The following PCDHA2 variants were observed in gnomAD, a reference collection of about 807,000 sequenced individuals.
PCDHA2 encodes the protein protocadherin alpha-2.
In PCDHA2, 58 loss-of-function variants were observed where a neutral mutation model predicts 66.0. The observed-to-expected ratio is 0.88, with a 90% CI of 0.71 to 1.09. The LOEUF (loss-of-function observed/expected upper bound fraction) is 1.09. Among genes scored for constraint, PCDHA2 ranks in the 50% least tolerant of loss-of-function variants. The probability of loss-of-function intolerance (pLI) is 0.00; values close to 1 mark genes in which losing one functional copy is unlikely to be tolerated. For synonymous variants in PCDHA2, 634 were observed against 554.0 expected (o/e 1.14, Z -2.03); for missense variants, 1,267 against 1,242.3 (o/e 1.02, Z -0.30).
chr5:140,899,468 G>C (rs1243330987), intron 1 of PCDHA2, among the ~76,000 whole-genome samples: 2 of 152,080 alleles, frequency 1.3e-5, no homozygotes, highest in African/African-American at 4.8e-5. Context: ...TTTGTCTTTG[G>C]TTCTGTTTAT....
At chr5:140,978,283 G>A (rs1355729190) in intron 1 of PCDHA2, among the ~76,000 whole-genome samples, 3 of 152,200 alleles carry the variant, frequency 2.0e-5, no homozygotes, top group South Asian at 2.1e-4. Context: ...CAGTGATTCA[G>A]TGAGGAGGGA....
At chr5:140,825,556 C>T (rs1158185749) in intron 1 of PCDHA2, 2 of 151,628 alleles carry the variant, frequency 1.3e-5, no homozygotes, top group African/African-American at 2.4e-5. Flanking sequence ...TCCCAAGTAG[C>T]TGGGATTACA....
At chr5:140,881,373 AGCCG>A in intron 1 of PCDHA2, 2 of 985,074 alleles carry the variant, frequency 2.0e-6, no homozygotes, top group Non-Finnish European at 2.4e-6. Flanking sequence ...TATGAATTGC[AGCCG>A]GCGGCGGTAA....
chr5:140,950,254 T>C (rs1554219388), intron 1 of PCDHA2, among the ~76,000 whole-genome samples: 1 of 152,040 alleles, frequency 6.6e-6, no homozygotes. Context: ...CCTAAAGAGC[T>C]GAGTTTATCC....
chr5:140,928,569 G>A (rs2085338493), intron 1 of PCDHA2: 2 of 1,614,202 alleles, frequency 1.2e-6, no homozygotes, highest in Non-Finnish European at 1.7e-6. Flanking sequence ...TGTTTCCCTT[G>A]CCCAGAAATG....
chr5:140,958,495 C>T (rs559117374), intron 1 of PCDHA2, among the ~76,000 whole-genome samples: 1 of 152,138 alleles, frequency 6.6e-6, no homozygotes, highest in African/African-American at 2.4e-5. Context: ...TCCACATATC[C>T]TAGGAGGCAT....
intron 1 of PCDHA2, chr5:140,834,481 A>C (rs2150219318): frequency 6.2e-7 from 1 of 1,614,090 alleles, no homozygotes; most frequent in East Asian, 2.2e-5. Context: ...CAGCTCCACT[A>C]CTCGGTCCCC....
chr5:140,901,815 A>T (rs1339282567), intron 1 of PCDHA2, among the ~76,000 whole-genome samples: 1 of 152,122 alleles, frequency 6.6e-6, no homozygotes, highest in African/African-American at 2.4e-5. Context: ...TACAATATTG[A>T]TTCTTCCAGT....
chr5:140,977,067 A>G (rs2096744217), intron 1 of PCDHA2, among the ~76,000 whole-genome samples: 1 of 152,250 alleles, frequency 6.6e-6, no homozygotes, highest in South Asian at 2.1e-4. Context: ...TATAGAAAAT[A>G]GCAGCATGAC....
At chr5:140,947,706 A>G (rs2153680894) in intron 1 of PCDHA2, among the ~76,000 whole-genome samples, 1 of 151,686 alleles carries the variant, frequency 6.6e-6, no homozygotes, top group East Asian at 1.9e-4. Context: ...AGTTTTAAGT[A>G]TTGAGGTTTC....
At chr5:141,008,367 G>A (rs2098373101) in intron 3 of PCDHA2, among the ~76,000 whole-genome samples, 1 of 152,144 alleles carries the variant, frequency 6.6e-6, no homozygotes, top group African/African-American at 2.4e-5. Flanking sequence ...AAGGAGCAGT[G>A]TTAGATACAT....
In PCDHA2 at chr5:140,796,095, C is replaced by A; in HGVS notation, c.1131C>A (p.Arg377=). The A allele has an allele frequency of 6.2e-7, 1 of 1,614,182 alleles. No individual in the cohort carries two copies. The highest frequency in any genetic ancestry group is 1.1e-5 in the South Asian group (1 of 91,086). Residue 377 remains arginine, a synonymous_variant, in exon 1 of 4, where the codon CGC becomes CGA. Coordinates refer to ENST00000526136, the MANE Select transcript of PCDHA2 (RefSeq NM_018905.3). ...TTGCTCTCATCACGGTGTCGGATCGCGACTCTGGTACGAATGGACATGTCA... is the reference window on the plus strand; with the variant it reads ...TTGCTCTCATCACGGTGTCGGATCGAGACTCTGGTACGAATGGACATGTCA... ...TVIALITVSD[R]DSGTNGHVTC...
intron 1 of PCDHA2, chr5:140,863,475 C>T: frequency 2.1e-6 from 1 of 481,584 alleles, no homozygotes; most frequent in South Asian, 1.6e-5. Flanking sequence ...TGGAGAGTCG[C>T]CTCCCAAGGT....
chr5:140,890,045 T>C (rs1192229071), intron 1 of PCDHA2, among the ~76,000 whole-genome samples: 1 of 152,206 alleles, frequency 6.6e-6, no homozygotes, highest in African/African-American at 2.4e-5. Context: ...TGTAGTGTGT[T>C]GGAGCTGGCT....
In PCDHA2 at chr5:140,823,956, C is replaced by G. The variant is rs2150130724; in HGVS notation, c.2388+26604C>G. ...CGCTGCGGTGCTCGGCGCAGCCCAC[C>G]GAGGCCGTGTGCACACGGGGCAAGC... On this transcript the variant is annotated intron_variant, in intron 1 of 3. Transcript: ENST00000526136. The G allele has an allele frequency of 3.7e-6, 6 of 1,613,908 alleles. No individual in the cohort carries two copies. In the African/African-American group the frequency reaches 6.7e-5, roughly 18 times the overall value.
At chr5:140,906,924 T>G (rs1244538728) in intron 1 of PCDHA2, among the ~76,000 whole-genome samples, 1 of 152,226 alleles carries the variant, frequency 6.6e-6, no homozygotes, top group African/African-American at 2.4e-5. Flanking sequence ...GCCCAAAAAG[T>G]GTCCCGGTGT....
chr5:140,925,397 C>T (rs2082477792), intron 1 of PCDHA2, among the ~76,000 whole-genome samples: 1 of 152,048 alleles, frequency 6.6e-6, no homozygotes, highest in African/African-American at 2.4e-5. Flanking sequence ...TTTGGCTCGC[C>T]TCCTTCTTAG....
intron 1 of PCDHA2, chr5:140,859,474 T>TA: frequency 4.8e-6 from 1 of 210,386 alleles, no homozygotes; most frequent in Non-Finnish European, 9.2e-6. Context: ...CTATCAATTG[T>TA]GTTTTCCTGA....
At chr5:140,807,968 G>A (rs782254119) in intron 1 of PCDHA2, 2 of 1,613,476 alleles carry the variant, frequency 1.2e-6, no homozygotes, top group Non-Finnish European at 1.7e-6. Context: ...TGGAACATTG[G>A]TAATTAAACT....
Sources: allele counts gnomAD v4.1 joint callset (sites outside exome capture counted in the v4.1 genomes callset), GRCh38; gene constraint gnomAD v4.1.1; transcripts MANE v1.5; gene names NCBI Gene and HGNC (gene_info 2026-07-23, HGNC 2026-07-21).